The following AGAP1 variants were observed in gnomAD, a reference collection of about 807,000 sequenced individuals.
AGAP1 encodes the protein arf-GAP with GTPase, ANK repeat and PH domain-containing protein 1.
A neutral mutation model predicts 105.3 loss-of-function variants in AGAP1; 29 were observed. The observed-to-expected ratio is 0.28, with a 90% CI of 0.21 to 0.38. AGAP1 has a LOEUF of 0.38. Among genes scored for constraint, AGAP1 ranks in the 10% least tolerant of loss-of-function variants. AGAP1 has a pLI of 1.00. For synonymous variants in AGAP1, 509 were observed against 485.9 expected (o/e 1.05, Z -0.63); for missense variants, 998 against 1,165.1 (o/e 0.86, Z 2.09).
At chr2:236,011,350 G>C (rs767987773) in intron 13 of AGAP1, among the ~76,000 whole-genome samples, 19 of 152,296 alleles carry the variant, frequency 1.2e-4, no homozygotes, top group Non-Finnish European at 2.5e-4. Context: ...CAGTCTCGTT[G>C]TCTACACTGG....
At chr2:235,516,635 A>G (rs1942399527) in intron 1 of AGAP1, among the ~76,000 whole-genome samples, 1 of 152,102 alleles carries the variant, frequency 6.6e-6, no homozygotes, top group Non-Finnish European at 1.5e-5. Context: ...CCCGGCAGGA[A>G]TGTGTTTGTC....
At chr2:235,694,653 GAAAAAAAA>G (rs796192262) in intron 1 of AGAP1, among the ~76,000 whole-genome samples, 18 of 143,540 alleles carry the variant, frequency 1.3e-4, no homozygotes, top group African/African-American at 4.1e-4. Flanking sequence ...GCCTCAGGGA[GAAAAAAAA>G]AAAGAAAAAA....
intron 11 of AGAP1, among the ~76,000 whole-genome samples, chr2:235,929,294 G>A (rs560297471): frequency 4.6e-5 from 7 of 152,082 alleles, no homozygotes; most frequent in Non-Finnish European, 8.8e-5. Flanking sequence ...TGGCAGGTGG[G>A]GCCTGGGATT....
rs938719640 is a variant in AGAP1 at position 236,131,044 on chromosome 2, C to CG, written c.*6928dup. ...AGAAGCTGCTTCGTGGCGTTAAGAA[C>CG]GGGGGGAGAGGGACCAGCACTGTAA... On this transcript the variant is annotated 3_prime_UTR_variant, in exon 18 of 18. Transcript: ENST00000304032. The surrounding 1 kb of genome is among the most constrained non-coding windows in gnomAD (Gnocchi z 5.9). The CG allele has an allele frequency of 1.3e-5, 2 of 152,156 alleles. No homozygotes were observed. Among genetic ancestry groups the CG allele is most frequent in the African/African-American group, 4.8e-5 (2 of 41,404 alleles). The allele number at this position is 152,156 out of a possible 1,614,324, so 9.4% of individuals were successfully genotyped here. A position where few individuals can be genotyped will look rare whatever the true frequency, so the allele number is the denominator to read the frequency against.
intron 9 of AGAP1, among the ~76,000 whole-genome samples, chr2:235,846,339 T>C (rs1444629608): frequency 1.3e-5 from 2 of 152,184 alleles, no homozygotes; most frequent in Non-Finnish European, 2.9e-5. Flanking sequence ...TATTATTTAT[T>C]TATTGACAGA....
Position 236,035,218 on chromosome 2 carries a change from G to A in AGAP1, c.1646-1343G>A, listed in dbSNP as rs527720071. Among the ~76,000 whole-genome samples the A allele has an allele frequency of 6.6e-6, 1 of 152,318 alleles. No individual in the cohort carries two copies. The highest frequency in any genetic ancestry group is 2.4e-5 in the African/African-American group (1 of 41,570). On this transcript the variant is annotated intron_variant, in intron 13 of 17. Coordinates refer to ENST00000304032, the MANE Select transcript of AGAP1 (RefSeq NM_001037131.3). This position sits in a 1 kb window ranked among gnomAD's most constrained non-coding sequence, Gnocchi z 4.2. Reference sequence around the variant, plus strand: ...GATAAGTAAAGTGGTTGGCAGGCAGGTAGGTGAAAGTCAGTACTAATAATA... The same window carrying A: ...GATAAGTAAAGTGGTTGGCAGGCAGATAGGTGAAAGTCAGTACTAATAATA...
Position 236,044,621 on chromosome 2 carries a change from A to G in AGAP1, c.1891+3780A>G, listed in dbSNP as rs1176330199. On this transcript the variant is annotated intron_variant, in intron 15 of 17. Transcript: ENST00000304032. This position sits in a 1 kb window ranked among gnomAD's most constrained non-coding sequence, Gnocchi z 5.7. ...GAGGGGACTGGCACCCACCACTACC[A>G]CCAGATAGCTCACCACAACCTACAG... 1.3e-5 allele frequency among the ~76,000 whole-genome samples: 2 copies of G among 151,856 alleles called. No homozygotes were observed. The highest frequency in any genetic ancestry group is 4.8e-5 in the African/African-American group (2 of 41,346).
chr2:236,021,580 A>G (rs1290697471), intron 13 of AGAP1, among the ~76,000 whole-genome samples: 4 of 152,172 alleles, frequency 2.6e-5, no homozygotes, highest in African/African-American at 7.2e-5. Flanking sequence ...GCACGTGCCT[A>G]TCGTTGCTTT....
At chr2:236,034,669 G>A (rs947154210) in intron 13 of AGAP1, among the ~76,000 whole-genome samples, 12 of 152,266 alleles carry the variant, frequency 7.9e-5, no homozygotes, top group African/African-American at 2.2e-4. Flanking sequence ...ACTCCAGCCC[G>A]TATCGGTCCC....
rs1045401648 is a variant in AGAP1, at chr2:236,124,407, T to C, written c.*285T>C. The C allele has an allele frequency of 4.2e-6, 2 of 472,834 alleles. No homozygotes were observed. The highest frequency in any genetic ancestry group is 7.8e-6 in the Non-Finnish European group (2 of 256,530). The allele number at this position is 472,834 out of a possible 1,614,324, so 29.3% of individuals were successfully genotyped here. A position where few individuals can be genotyped will look rare whatever the true frequency, so the allele number is the denominator to read the frequency against. ...GCCTCGGCCCTTTGATGATAGCACATGGCGCAGGACCCTTGTCCTGGTGGC... is the reference window on the plus strand; with the variant it reads ...GCCTCGGCCCTTTGATGATAGCACACGGCGCAGGACCCTTGTCCTGGTGGC... On this transcript the variant is annotated 3_prime_UTR_variant, in exon 18 of 18. Transcript: ENST00000304032. This position sits in a 1 kb window ranked among gnomAD's most constrained non-coding sequence, Gnocchi z 5.1.
intron 1 of AGAP1, among the ~76,000 whole-genome samples, chr2:235,638,918 A>G (rs1312910000): frequency 6.6e-6 from 1 of 152,202 alleles, no homozygotes; most frequent in Admixed American, 6.5e-5. Context: ...TCTACCTACT[A>G]GATGCCAGTA....
At chr2:236,028,392 C>T (rs748235017) in intron 13 of AGAP1, among the ~76,000 whole-genome samples, 1 of 152,130 alleles carries the variant, frequency 6.6e-6, no homozygotes, top group South Asian at 2.1e-4. Flanking sequence ...CTGCGGATAC[C>T]AAGTGGTCCT....
chr2:235,505,507 A>G (rs1243842944), intron 1 of AGAP1, among the ~76,000 whole-genome samples: 1 of 152,164 alleles, frequency 6.6e-6, no homozygotes, highest in African/African-American at 2.4e-5. Flanking sequence ...GGCTAATGTG[A>G]GAATCAATAG....
chr2:236,019,521 TTTTCCTCC>T (rs2056818859), intron 13 of AGAP1, among the ~76,000 whole-genome samples: 1 of 152,214 alleles, frequency 6.6e-6, no homozygotes, highest in Non-Finnish European at 1.5e-5. Flanking sequence ...GAGGGAGATC[TTTTCCTCC>T]TTGTTTTATA....
intron 1 of AGAP1, among the ~76,000 whole-genome samples, chr2:235,650,781 G>T (rs1002500706): frequency 1.3e-5 from 2 of 152,142 alleles, no homozygotes; most frequent in African/African-American, 4.8e-5. Flanking sequence ...ACTCTAGAAA[G>T]ACTTATTAAA....
At chr2:235,686,620 G>GATATATATATATATATATATATATAGAT (rs199846846) in intron 1 of AGAP1, among the ~76,000 whole-genome samples, 7 of 57,244 alleles carry the variant, frequency 1.2e-4, no homozygotes, top group Non-Finnish European at 1.9e-4. Context: ...TGGAGATATA[G>GATATATATATATATATATATATATAGAT]ATATATATAT....
chr2:235,807,694 A>G (rs1217613444), intron 9 of AGAP1, among the ~76,000 whole-genome samples: 1 of 152,182 alleles, frequency 6.6e-6, no homozygotes, highest in Non-Finnish European at 1.5e-5. Context: ...GATCACAGGA[A>G]CAGCCCGACG....
At chr2:235,715,847 G>T (rs766132316) in intron 2 of AGAP1, among the ~76,000 whole-genome samples, 1 of 152,160 alleles carries the variant, frequency 6.6e-6, no homozygotes, top group Non-Finnish European at 1.5e-5. Flanking sequence ...TGGGAGTCGG[G>T]GATGGCCTCC....
At chr2:235,795,773 T>C (rs1430858058) in intron 6 of AGAP1, among the ~76,000 whole-genome samples, 1 of 152,202 alleles carries the variant, frequency 6.6e-6, no homozygotes, top group Non-Finnish European at 1.5e-5. Context: ...CAGAAGAATT[T>C]TAGCAGTTAA....
Sources: gnomAD v4.1 joint callset for allele counts (sites outside exome capture counted in the v4.1 genomes callset) on GRCh38, gnomAD v4.1.1 for gene constraint, Gnocchi (gnomAD v3.1) non-coding constraint, MANE v1.5 for transcripts, NCBI Gene and HGNC (gene_info 2026-07-23, HGNC 2026-07-21) for gene names.